SULT1C4: variants seen among roughly 807,000 people sequenced by gnomAD.
The protein encoded by SULT1C4 is sulfotransferase 1C4.
A neutral mutation model predicts 34.8 loss-of-function variants in SULT1C4; 32 were observed. The observed-to-expected ratio is 0.92, with a 90% CI of 0.69 to 1.23. SULT1C4 has a LOEUF of 1.23. SULT1C4 is among the 50% of genes most tolerant of loss of function. The pLI, the probability that SULT1C4 is intolerant of heterozygous loss-of-function variation, is 0.00. For missense variants in SULT1C4, 375 were observed against 365.9 expected (o/e 1.02, Z -0.20); for synonymous variants, 111 against 120.5 (o/e 0.92, Z 0.51).
chr2:108,382,760 G>A (rs1678444530), intron 3 of SULT1C4: 2 of 406,380 alleles, frequency 4.9e-6, no homozygotes, highest in South Asian at 6.8e-5. Flanking sequence ...AAAATTCACA[G>A]GACGTGGTGA....
At chr2:108,385,101 A>G (rs565999729) in intron 5 of SULT1C4, among the ~76,000 whole-genome samples, 1 of 152,370 alleles carries the variant, frequency 6.6e-6, no homozygotes, top group South Asian at 2.1e-4. Flanking sequence ...GCATGATCAA[A>G]GAACCAGCAG....
intron 5 of SULT1C4, among the ~76,000 whole-genome samples, chr2:108,385,351 TCA>T (rs1678540814): frequency 6.6e-6 from 1 of 152,222 alleles, no homozygotes; most frequent in African/African-American, 2.4e-5. Context: ...TAATCTAACC[TCA>T]GAGTCCCTAA....
intron 3 of SULT1C4, 102 bp from the exon 4 acceptor site, chr2:108,382,991 T>C (rs1037207463): frequency 2.3e-6 from 3 of 1,282,678 alleles, no homozygotes; most frequent in Non-Finnish European, 3.1e-6. Flanking sequence ...GTATGAAATG[T>C]ATCTACCCTA....
In SULT1C4 at chr2:108,383,438, A is replaced by G. The variant is rs1283839186; in HGVS notation, c.543A>G (p.Glu181=). ...CAGTGTGCTGGGGCTCCTGGCATGA[A>G]CATGTGAAAGGATGGTGGGAAGCCA... The part of the protein sequence containing the change: ...AGKVCWGSWH[E]HVKGWWEAKD... The change falls in exon 5 of 7, where the codon GAA becomes GAG. Residue 181 remains glutamate, a synonymous_variant. Transcript: ENST00000272452. The G allele has an allele frequency of 1.2e-6, 2 of 1,614,072 alleles. No homozygotes were observed. The highest frequency in any genetic ancestry group is 1.7e-6 in the Non-Finnish European group (2 of 1,180,034).
chr2:108,379,226 T>C (rs1236414781), intron 1 of SULT1C4, among the ~76,000 whole-genome samples: 1 of 152,204 alleles, frequency 6.6e-6, no homozygotes, highest in African/African-American at 2.4e-5. Context: ...TCAAAAACTC[T>C]TGTTATACAC....
At chr2:108,378,964 C>G (rs1397874084) in intron 1 of SULT1C4, among the ~76,000 whole-genome samples, 1 of 152,106 alleles carries the variant, frequency 6.6e-6, no homozygotes, top group Non-Finnish European at 1.5e-5. Flanking sequence ...GTCTGAGAAC[C>G]ATCCTTCTGA....
Position 108,378,397 on chromosome 2 carries a change from C to G in SULT1C4, c.60C>G (p.Asn20Lys). 6.2e-7 allele frequency: 1 copy of G among 1,614,196 alleles called. No individual in the cohort carries two copies. The highest frequency in any genetic ancestry group is 8.5e-7 in the Non-Finnish European group (1 of 1,180,024). The change falls in exon 1 of 7, where the codon AAC (asparagine) becomes AAG (lysine). Residue 20 changes from asparagine to lysine, a missense_variant. By Grantham distance (94) the Asn-to-Lys change is moderately conservative (BLOSUM62 0). Coordinates refer to ENST00000272452, the MANE Select transcript of SULT1C4 (RefSeq NM_006588.4). Reference sequence around the variant, plus strand: ...ATGGAACAAAGCGCTTAAGTGTCAACTACGTGAAGGGAATTCTTCAACCGA... The same window carrying G: ...ATGGAACAAAGCGCTTAAGTGTCAAGTACGTGAAGGGAATTCTTCAACCGA... ...TFDGTKRLSVNYVKGILQPTD... is the reference protein window; with the variant it reads ...TFDGTKRLSVKYVKGILQPTD...
At position 108,381,821 on chromosome 2, in the gene SULT1C4, A is replaced by G. The variant is rs749157093; in HGVS notation, c.229A>G (p.Ser77Gly). The change falls in exon 2 of 7, where the codon AGT (serine) becomes GGT (glycine). Residue 77 changes from serine (S) to glycine (G), a missense_variant. Physicochemically the swap from Ser to Gly is moderately conservative, Grantham distance 56. Transcript: ENST00000272452. ...LIQNEGDVEKSKRAPTHQRFP... is the reference protein window; with the variant it reads ...LIQNEGDVEKGKRAPTHQRFP... The stretch of plus-strand genomic sequence containing the variant: ...ACAAAATGAAGGTGATGTGGAGAAA[A>G]GTAAACGGGCACCGACTCATCAACG... 1.3e-6 allele frequency: 2 copies of G among 1,502,866 alleles called. No homozygotes were observed. Among genetic ancestry groups the G allele is most frequent in the Non-Finnish European group, 1.8e-6 (2 of 1,130,604 alleles). The allele number at this position is 1,502,866 out of a possible 1,614,324, so 93.1% of individuals were successfully genotyped here.
chr2:108,382,929 A>AAG, intron 3 of SULT1C4, 164 bp from the exon 4 acceptor site: 2 of 385,492 alleles, frequency 5.2e-6, no homozygotes, highest in Non-Finnish European at 8.0e-6. Flanking sequence ...AAAAAAAAAA[A>AAG]AAGTCTCCCA....
Position 108,387,632 on chromosome 2 carries a change from G to C in SULT1C4, c.*200G>C. The C allele has an allele frequency of 1.8e-6, 1 of 543,854 alleles. No individual in the cohort carries two copies. The highest frequency in any genetic ancestry group is 2.5e-5 in the South Asian group (1 of 39,802). 33.7% of individuals were successfully genotyped at this position (543,854 alleles called of 1,614,324 possible). ...ACAGGCAGCAGGGTGGCGACATGGAGAGAGGGAAGCTCAATAAATCACTAG... is the reference window on the plus strand; with the variant it reads ...ACAGGCAGCAGGGTGGCGACATGGACAGAGGGAAGCTCAATAAATCACTAG... On this transcript the variant is annotated 3_prime_UTR_variant, in exon 7 of 7. Coordinates refer to ENST00000272452, the MANE Select transcript of SULT1C4 (RefSeq NM_006588.4).
chr2:108,378,628 G>T, intron 1 of SULT1C4, 122 bp downstream of exon 1: 1 of 1,103,710 alleles, frequency 9.1e-7, no homozygotes. Flanking sequence ...ATATGGCTAA[G>T]GAAAGTTACT....
intron 1 of SULT1C4, among the ~76,000 whole-genome samples, chr2:108,380,476 T>C (rs1394876136): frequency 6.6e-6 from 1 of 152,114 alleles, no homozygotes; most frequent in Non-Finnish European, 1.5e-5. Flanking sequence ...ATCCCACCAC[T>C]GTACTCCAGC....
At chr2:108,378,852 T>C (rs1456690349) in intron 1 of SULT1C4, among the ~76,000 whole-genome samples, 1 of 151,144 alleles carries the variant, frequency 6.6e-6, no homozygotes, top group Non-Finnish European at 1.5e-5. Context: ...CTGCTTTGAG[T>C]GTGTGAGCTA....
chr2:108,382,930 AAGTC>A, intron 3 of SULT1C4, 159 bp from the exon 4 acceptor site: 5 of 357,574 alleles, frequency 1.4e-5, no homozygotes, highest in Non-Finnish European at 2.2e-5. Context: ...AAAAAAAAAA[AAGTC>A]TCCCATAACC....
intron 6 of SULT1C4, among the ~76,000 whole-genome samples, chr2:108,386,872 GAA>G (rs1231576850): frequency 5.3e-5 from 8 of 152,194 alleles, no homozygotes; most frequent in Non-Finnish European, 1.0e-4. Context: ...ACGAAACTGG[GAA>G]AGGTAACAGG....
intron 5 of SULT1C4, among the ~76,000 whole-genome samples, chr2:108,384,805 G>A (rs1232604988): frequency 1.3e-5 from 2 of 152,150 alleles, no homozygotes; most frequent in South Asian, 2.1e-4. Flanking sequence ...CAGAATTACA[G>A]TGTCTGTTCT....
intron 1 of SULT1C4, 118 bp from the exon 2 acceptor site, chr2:108,381,644 A>G (rs1678398493): frequency 8.8e-7 from 1 of 1,133,574 alleles, no homozygotes; most frequent in Admixed American, 3.9e-5. Flanking sequence ...CCTGTCTCAA[A>G]AAACAAAACA....
At chr2:108,382,572 T>C in intron 3 of SULT1C4, 90 bp downstream of exon 3, 3 of 927,136 alleles carry the variant, frequency 3.2e-6, no homozygotes, top group East Asian at 2.5e-5. Context: ...GTTAAATATA[T>C]ATATATATAC....
In SULT1C4 at chr2:108,387,404, C is replaced by T. The variant is rs765505365; in HGVS notation, c.881C>T (p.Thr294Ile). The stretch of plus-strand genomic sequence containing the variant: ...GATTACAAGAAGAAAATGACTGATA[C>T]CAGACTAACTTTCCACTTCCAGTTC... ...DEDYKKKMTD[T>I]RLTFHFQF The change falls in exon 7 of 7, where the codon ACC (threonine) becomes ATC (isoleucine). Residue 294 changes from threonine (T) to isoleucine (I), a missense_variant. Coordinates refer to ENST00000272452, the MANE Select transcript of SULT1C4 (RefSeq NM_006588.4). 1 of 1,612,742 alleles carries T rather than the reference C, an allele frequency of 6.2e-7. No homozygotes were observed. The highest frequency in any genetic ancestry group is 1.1e-5 in the South Asian group (1 of 90,852).
Sources: allele counts gnomAD v4.1 joint callset (sites outside exome capture counted in the v4.1 genomes callset), GRCh38; gene constraint gnomAD v4.1.1; transcripts MANE v1.5; gene names NCBI Gene and HGNC (gene_info 2026-07-23, HGNC 2026-07-21).